BRD2: variants seen among roughly 807,000 people sequenced by gnomAD.
BRD2 encodes the protein bromodomain containing 2.
A neutral mutation model predicts 79.1 loss-of-function variants in BRD2; 15 were observed. That is an observed-to-expected ratio of 0.19 (90% CI 0.13 to 0.29). The LOEUF is 0.29. Among genes scored for constraint, BRD2 ranks in the 10% least tolerant of loss-of-function variants. The pLI is 1.00. For synonymous variants in BRD2, 488 were observed against 358.6 expected (o/e 1.36, Z -4.08); for missense variants, 1,053 against 991.3 (o/e 1.06, Z -0.84).
intron 1 of BRD2, among the ~76,000 whole-genome samples, chr6:32,969,776 C>T (rs1013788653): frequency 1.3e-5 from 2 of 152,116 alleles, no homozygotes; most frequent in African/African-American, 4.8e-5. Flanking sequence ...AGTAGGGGGT[C>T]TAGACAGCAT....
Position 32,972,104 on chromosome 6 carries a change from G to A in BRD2, c.-795G>A, listed in dbSNP as rs780118834. The A allele has an allele frequency of 8.7e-6, 6 of 693,338 alleles. No homozygotes were observed. The highest frequency in any genetic ancestry group is 1.3e-5 in the Non-Finnish European group (5 of 379,982). 42.9% of individuals were successfully genotyped at this position (693,338 alleles called of 1,614,324 possible). On this transcript the variant is annotated 5_prime_UTR_variant, in exon 2 of 13. Transcript: ENST00000374825. ...CGTGAGCGAGCGCGCGCGCGCGGAG[G>A]GGGTGGGGAAAAGCTCAAGCAGGGT... is the stretch of plus-strand genomic sequence containing the variant.
In BRD2 at chr6:32,980,596, G is replaced by C. The variant is rs1779400882; in HGVS notation, c.2284G>C (p.Glu762Gln). 1 of 1,613,152 alleles carries C rather than the reference G, an allele frequency of 6.2e-7. No homozygotes were observed. ...TTGTTCTGCAGCGAATGAGAAAACA[G>C]AGTCATCCTCTGCACAGCAAGTAGC... ...KPPKKANEKT[E>Q]SSSAQQVAVS... Residue 762 changes from glutamate to glutamine, a missense_variant, in exon 13 of 13, where the codon GAG becomes CAG. Glu to Gln is a conservative substitution (Grantham distance 29). This residue lies in a region of BRD2 where 139 missense variants were observed against 133.2 expected (regional missense o/e 1.04). Coordinates refer to ENST00000374825, the MANE Select transcript of BRD2 (RefSeq NM_005104.4).
Position 32,979,922 on chromosome 6 carries a change from G to C in BRD2, c.1936G>C (p.Glu646Gln). The C allele has an allele frequency of 9.9e-6, 16 of 1,613,260 alleles. No individual in the cohort carries two copies. Among genetic ancestry groups the C allele is most frequent in the Non-Finnish European group, 1.4e-5 (16 of 1,180,036 alleles). The change falls in exon 11 of 13, where the codon GAG becomes CAG. Residue 646 changes from glutamate to glutamine, a missense_variant. Glu to Gln is a conservative substitution (Grantham distance 29, BLOSUM62 2). Around this residue, in one of 5 missense-constraint regions of BRD2, gnomAD observed 44 missense variants for 73.7 expected, o/e 0.60. Coordinates refer to ENST00000374825, the MANE Select transcript of BRD2 (RefSeq NM_005104.4). ...AGAGAGCAGGCCCATGAGTTACGAT[G>C]AGAAGCGGCAGCTGAGCCTGGACAT... ...EEESRPMSYD[E>Q]KRQLSLDINK...
intron 4 of BRD2, 125 bp downstream of exon 4, chr6:32,975,646 C>T (rs566174392): frequency 9.5e-6 from 12 of 1,260,160 alleles, no homozygotes; most frequent in East Asian, 9.5e-5. Flanking sequence ...GTAGGGTAGT[C>T]GGAGTCTTAA....
chr6:32,973,562 A>G lies in BRD2; in HGVS notation c.29+635A>G, dbSNP rs185245757. ...CTAGTTCAGCTCTGCGATGTAAACA[A>G]TGAGATTCCCATATGATGTTTTAAT... On this transcript the variant is annotated intron_variant, in intron 2 of 12. Transcript: ENST00000374825. Among the ~76,000 whole-genome samples, 444 of 152,282 alleles carry G rather than the reference A, an allele frequency of 2.9e-3. 2 individuals are homozygous for G. Among genetic ancestry groups the G allele is most frequent in the African/African-American group, 0.01 (429 of 41,550 alleles).
chr6:32,975,305 T>TGA lies in BRD2; in HGVS notation c.334-78_334-77insAG, dbSNP rs1380697793. On this transcript the variant is annotated intron_variant, in intron 3 of 12. Transcript: ENST00000374825. ...GGGGGGGTGTGTGTGTGTGTGTGTGTGTGTGAGAGTCGGGGATCGGTAGTC... is the reference window on the plus strand; with the variant it reads ...GGGGGGGTGTGTGTGTGTGTGTGTGTGAGTGTGAGAGTCGGGGATCGGTAGTC... 5 of 1,163,148 alleles carry TGA rather than the reference T, an allele frequency of 4.3e-6. No homozygotes were observed. In the South Asian group the frequency reaches 7.1e-5, roughly 17 times the overall value. The allele number at this position is 1,163,148 out of a possible 1,614,324, so 72.1% of individuals were successfully genotyped here. A position where few individuals can be genotyped will look rare whatever the true frequency, so the allele number is the denominator to read the frequency against.
chr6:32,976,141 C>G lies in BRD2; in HGVS notation c.582C>G (p.Asn194Lys), dbSNP rs201572264. The G allele has an allele frequency of 6.9e-5, 111 of 1,612,634 alleles. No individual in the cohort carries two copies. Among genetic ancestry groups the G allele is most frequent in the Middle Eastern group, 1.6e-4 (1 of 6,080 alleles). The change falls in exon 5 of 13, where the codon AAC becomes AAG. Residue 194 changes from asparagine (N) to lysine (K), a missense_variant. Physicochemically the swap from Asn to Lys is moderately conservative, Grantham distance 94. Transcript: ENST00000374825. Reference protein sequence around the residue: ...EQELVVTIPKNSHKKGAKLAA... With the variant: ...EQELVVTIPKKSHKKGAKLAA... ...AGCTGGTAGTGACCATCCCTAAGAA[C>G]AGCCACAAGAAGGGGGCCAAGTTGG...
Position 32,980,743 on chromosome 6 carries a change from A to AG in BRD2, c.*27dup. On this transcript the variant is annotated 3_prime_UTR_variant, in exon 13 of 13. Transcript: ENST00000374825. ...AGGGGTCAGGCCAGATGGGGCAGGA[A>AG]GGCTCCGCAGGACCGGACCCCTAGA... The AG allele has an allele frequency of 6.2e-7, 1 of 1,611,462 alleles. No homozygotes were observed. The highest frequency in any genetic ancestry group is 1.1e-5 in the South Asian group (1 of 91,012).
intron 1 of BRD2, chr6:32,969,428 C>T (rs1777751947): frequency 2.8e-6 from 2 of 707,088 alleles, no homozygotes; most frequent in Admixed American, 2.0e-5. Context: ...GTGGCCCCTA[C>T]CCGTGGATGT....
intron 1 of BRD2, among the ~76,000 whole-genome samples, chr6:32,969,839 G>T (rs1777784560): frequency 6.6e-6 from 1 of 152,154 alleles, no homozygotes. Context: ...CAGCTCCCAA[G>T]GTTTCGGGTT....
Position 32,968,714 on chromosome 6 carries a change from T to G in BRD2, c.-1647T>G, listed in dbSNP as rs552612384. 5.2e-5 allele frequency: 8 copies of G among 152,856 alleles called. No homozygotes were observed. The East Asian group carries it at 1.6e-3, about 30-fold the overall frequency. The allele number at this position is 152,856 out of a possible 1,614,324, so 9.5% of individuals were successfully genotyped here. On this transcript the variant is annotated 5_prime_UTR_variant, in exon 1 of 13. Transcript: ENST00000374825. ...GACAAGCAGCAGCGTTATAGCGCTC[T>G]GGGTTTCGGGACATAGGCCTGGGCC... is the stretch of plus-strand genomic sequence containing the variant.
rs201572601 is a variant in BRD2 at position 32,981,068 on chromosome 6, T to A, written c.*350T>A. On this transcript the variant is annotated 3_prime_UTR_variant, in exon 13 of 13. Coordinates refer to ENST00000374825, the MANE Select transcript of BRD2 (RefSeq NM_005104.4). The stretch of plus-strand genomic sequence containing the variant: ...TTCTAAGGGCCCTGTTTTGAGATTG[T>A]TTGTTCTAATTTATTTTAAGCTAGG... 1.9e-4 allele frequency: 42 copies of A among 215,672 alleles called. No homozygotes were observed. In the East Asian group the frequency reaches 4.1e-3, roughly 21 times the overall value. 13.4% of individuals were successfully genotyped at this position (215,672 alleles called of 1,614,324 possible).
chr6:32,978,459 C>T, intron 10 of BRD2, 71 bp downstream of exon 10: 1 of 1,555,192 alleles, frequency 6.4e-7, no homozygotes. Flanking sequence ...TCTCTCTTTG[C>T]AAAGATAATT....
chr6:32,971,107 T>C, intron 1 of BRD2: 1 of 150,932 alleles, frequency 6.6e-6, no homozygotes, highest in Non-Finnish European at 1.5e-5. Flanking sequence ...CGAGCTCGCC[T>C]GGAGGGGGAG....
chr6:32,980,819 TCACCCCCCCC>T lies in BRD2; in HGVS notation c.*103_*112del. On this transcript the variant is annotated 3_prime_UTR_variant, in exon 13 of 13. Transcript: ENST00000374825. The stretch of plus-strand genomic sequence containing the variant: ...CCCTTTGCTGTGACACTTCTTCATC[TCACCCCCCCC>T]CGCCCCCCTCTAGGAGAGCTGGCTC... 8 of 1,387,834 alleles carry T rather than the reference TCACCCCCCCC, an allele frequency of 5.8e-6. No individual in the cohort carries two copies. The highest frequency in any genetic ancestry group is 8.0e-6 in the Non-Finnish European group (8 of 1,005,950). The allele number at this position is 1,387,834 out of a possible 1,614,324, so 86.0% of individuals were successfully genotyped here.
At chr6:32,969,258 A>C in intron 1 of BRD2, 1 of 652,552 alleles carries the variant, frequency 1.5e-6, no homozygotes, top group Non-Finnish European at 2.9e-6. Flanking sequence ...GGCCAGCCTC[A>C]TGCCTCCGTA....
chr6:32,976,678 C>G lies in BRD2; in HGVS notation c.942C>G (p.Pro314=). 6.2e-7 allele frequency: 1 copy of G among 1,613,142 alleles called. No individual in the cohort carries two copies. Among genetic ancestry groups the G allele is most frequent in the Non-Finnish European group, 8.5e-7 (1 of 1,180,036 alleles). ...TTGAGCCTAAGGCAGCACGGCTTCC[C>G]CCTATGCGTAGAGAGAGTGGTCGCC... ...GSLEPKAARL[P]PMRRESGRPI... is the part of the protein sequence containing the mutation. The change falls in exon 7 of 13, where the codon CCC becomes CCG. Residue 314 remains proline (P), a synonymous_variant. Transcript: ENST00000374825.
In BRD2 at chr6:32,968,830, A is replaced by C. The variant is rs114383918; in HGVS notation, c.-1531A>C. 0.064 allele frequency: 9,671 copies of C among 150,396 alleles called. 335 individuals carry two copies. Among genetic ancestry groups the C allele is most frequent in the Middle Eastern group, 0.12 (34 of 292 alleles). 9.3% of individuals were successfully genotyped at this position (150,396 alleles called of 1,614,324 possible). A position where few individuals can be genotyped will look rare whatever the true frequency, so the allele number is the denominator to read the frequency against. On this transcript the variant is annotated 5_prime_UTR_variant, in exon 1 of 13. Transcript: ENST00000374825. ...GGGGAAAGGCGGGGGGTGGGGGGGA[A>C]GCGGGCACGTGACCCCGGTCAGCCA...
In BRD2 at chr6:32,972,657, T is replaced by C; in HGVS notation, c.-242T>C. ...TCCCTCCTTAGTTGCCCGCCTCAGC[T>C]GAGGCCGCCGCCATTTTCTTGCTGT... On this transcript the variant is annotated 5_prime_UTR_variant, in exon 2 of 13. Coordinates refer to ENST00000374825, the MANE Select transcript of BRD2 (RefSeq NM_005104.4). 3.3e-6 allele frequency: 2 copies of C among 611,770 alleles called. No individual in the cohort carries two copies. Among genetic ancestry groups the C allele is most frequent in the South Asian group, 3.9e-5 (2 of 51,130 alleles). 37.9% of individuals were successfully genotyped at this position (611,770 alleles called of 1,614,324 possible).
Sources: allele counts gnomAD v4.1 joint callset (sites outside exome capture counted in the v4.1 genomes callset), GRCh38; gene constraint gnomAD v4.1.1; regional missense constraint gnomAD v4.1.1; transcripts MANE v1.5; gene names NCBI Gene and HGNC (gene_info 2026-07-23, HGNC 2026-07-21).